DGKI: variants seen among roughly 807,000 people sequenced by gnomAD.
DGKI encodes the protein DAG kinase iota.
Under a neutral mutation model 147.5 loss-of-function variants are expected in DGKI, and 55 were observed. The observed-to-expected ratio is 0.37, with a 90% CI of 0.30 to 0.47. The LOEUF (loss-of-function observed/expected upper bound fraction) is 0.47. Ranked by LOEUF, DGKI falls within the 20% of genes least tolerant of loss-of-function variation. The pLI is 1.00. For synonymous variants in DGKI, 469 were observed against 477.1 expected (o/e 0.98, Z 0.22); for missense variants, 1,007 against 1,323.8 (o/e 0.76, Z 3.71).
intron 5 of DGKI, 150 bp downstream of exon 5, chr7:137,654,582 T>C: frequency 1.5e-6 from 1 of 663,742 alleles, no homozygotes; most frequent in Non-Finnish European, 2.7e-6. Context: ...GAAGATTTTA[T>C]TGATTGTGCT....
Position 137,674,451 on chromosome 7 carries a change from C to T in DGKI, c.606+4106G>A, listed in dbSNP as rs1351778849. Among the ~76,000 whole-genome samples, 7 of 152,300 alleles carry T rather than the reference C, an allele frequency of 4.6e-5. No individual in the cohort carries two copies. The East Asian group carries it at 1.3e-3, about 29-fold the overall frequency. On this transcript the variant is annotated intron_variant, in intron 3 of 32. Transcript: ENST00000614521. ...CATAGATGCCCTAATGTCCCATAAG[C>T]TAGGGTGATGCAGTTCTGGTTTATC...
chr7:137,607,067 C>G (rs538272352), intron 10 of DGKI, among the ~76,000 whole-genome samples: 3 of 152,248 alleles, frequency 2.0e-5, no homozygotes, highest in African/African-American at 4.8e-5. Flanking sequence ...CACCACTGAG[C>G]CTCGAAGGAT....
chr7:137,519,992 T>C (rs538807122), intron 21 of DGKI, among the ~76,000 whole-genome samples: 1 of 152,244 alleles, frequency 6.6e-6, no homozygotes, highest in South Asian at 2.1e-4. Flanking sequence ...CTTACATTTA[T>C]GCCATATTTG....
intron 21 of DGKI, among the ~76,000 whole-genome samples, chr7:137,497,562 A>G (rs956638238): frequency 6.6e-6 from 1 of 152,086 alleles, no homozygotes; most frequent in Non-Finnish European, 1.5e-5. Context: ...AAGGGTAGAG[A>G]GGATAAAGAA....
Position 137,521,606 on chromosome 7 carries a change from C to G in DGKI, c.2248+260G>C, listed in dbSNP as rs1274939622. 2.6e-5 allele frequency among the ~76,000 whole-genome samples: 4 copies of G among 152,046 alleles called. No homozygotes were observed. The East Asian group carries it at 7.7e-4, about 29-fold the overall frequency. ...TTCCTCATTTTAGGCAAATCTGAGA[C>G]TAAAGTGGCGAATAAGCCAAGAGAT... On this transcript the variant is annotated intron_variant, in intron 21 of 32. Transcript: ENST00000614521.
At chr7:137,630,281 A>AT (rs1472241098) in intron 6 of DGKI, among the ~76,000 whole-genome samples, 1 of 152,044 alleles carries the variant, frequency 6.6e-6, no homozygotes, top group Non-Finnish European at 1.5e-5. Flanking sequence ...ATAGATTGAC[A>AT]TTTTTTTACC....
intron 1 of DGKI, among the ~76,000 whole-genome samples, chr7:137,791,743 G>T (rs1357978582): frequency 6.6e-6 from 1 of 152,200 alleles, no homozygotes; most frequent in African/African-American, 2.4e-5. Context: ...GACAGTGGTG[G>T]AAGAAGTTCC....
At chr7:137,592,405 G>C (rs1445169493) in intron 12 of DGKI, among the ~76,000 whole-genome samples, 1 of 152,206 alleles carries the variant, frequency 6.6e-6, no homozygotes, top group African/African-American at 2.4e-5. Flanking sequence ...GAGAACACCA[G>C]GTCCTCCGCT....
intron 1 of DGKI, among the ~76,000 whole-genome samples, chr7:137,735,531 T>A (rs1794998767): frequency 6.9e-6 from 1 of 145,102 alleles, no homozygotes; most frequent in Non-Finnish European, 1.5e-5. Flanking sequence ...ATGCATATGA[T>A]GAGGTAGACG....
chr7:137,571,333 C>A, intron 18 of DGKI, 47 bp from the exon 19 acceptor site: 1 of 1,330,014 alleles, frequency 7.5e-7, no homozygotes, highest in South Asian at 1.3e-5. Flanking sequence ...CCATCCTTCT[C>A]ATGACTATCA....
At chr7:137,841,786 C>T (rs562820003) in intron 1 of DGKI, among the ~76,000 whole-genome samples, 2 of 152,104 alleles carry the variant, frequency 1.3e-5, no homozygotes, top group South Asian at 4.1e-4. Flanking sequence ...CTAGAAAGTG[C>T]GGTGTTGGAA....
chr7:137,795,210 C>T (rs1585502273), intron 1 of DGKI, among the ~76,000 whole-genome samples: 3 of 152,182 alleles, frequency 2.0e-5, no homozygotes. Flanking sequence ...GATACTTAAA[C>T]CTACCCTATT....
intron 1 of DGKI, among the ~76,000 whole-genome samples, chr7:137,718,388 C>T (rs1000000103): frequency 2.0e-5 from 3 of 152,244 alleles, no homozygotes; most frequent in East Asian, 3.9e-4. Flanking sequence ...GAGATGCCCA[C>T]CCTGCCAGGG....
intron 1 of DGKI, among the ~76,000 whole-genome samples, chr7:137,819,240 C>T (rs1797824414): frequency 6.6e-6 from 1 of 152,096 alleles, no homozygotes; most frequent in Non-Finnish European, 1.5e-5. Flanking sequence ...TAACACTCCT[C>T]AACGAAGCTG....
intron 27 of DGKI, among the ~76,000 whole-genome samples, chr7:137,454,231 C>T (rs796145847): frequency 1.3e-5 from 2 of 152,126 alleles, no homozygotes; most frequent in Admixed American, 1.3e-4. Flanking sequence ...TCATGTTGTA[C>T]ACAATAAATA....
rs1199404667 is a variant in DGKI at position 137,846,157 on chromosome 7, T to TCA, written c.401+304_401+305insTG. Among the ~76,000 whole-genome samples, 65 of 138,598 alleles carry TCA rather than the reference T, an allele frequency of 4.7e-4. No homozygotes were observed. Among genetic ancestry groups the TCA allele is most frequent in the African/African-American group, 7.1e-4 (24 of 33,952 alleles). 90.9% of individuals were successfully genotyped at this position (138,598 alleles called of 152,430 possible). On this transcript the variant is annotated intron_variant, in intron 1 of 32. Coordinates refer to ENST00000614521, the MANE Select transcript of DGKI (RefSeq NM_001321708.2). The surrounding 1 kb of genome is among the most constrained non-coding windows in gnomAD (Gnocchi z 4.0). ...CTTTCTCTCTCTCTCTCTCTCTCTC[T>TCA]CTCTCACACACACACACACACACAC...
chr7:137,652,545 C>T (rs1261217259), intron 5 of DGKI, among the ~76,000 whole-genome samples: 1 of 152,132 alleles, frequency 6.6e-6, no homozygotes, highest in African/African-American at 2.4e-5. Context: ...TACCTTCTGG[C>T]CCACACTGTC....
At chr7:137,771,002 C>T (rs1334476035) in intron 1 of DGKI, among the ~76,000 whole-genome samples, 1 of 152,142 alleles carries the variant, frequency 6.6e-6, no homozygotes, top group African/African-American at 2.4e-5. Context: ...TCTGTGTAAT[C>T]GTCAGCTTCC....
chr7:137,751,806 A>G lies in DGKI; in HGVS notation c.402-61804T>C, dbSNP rs147953382. ...AACAAGTGAGCCAGCCTGCATTCCAATAAAACTTTATTTACAAAAATTGAC... is the reference window on the plus strand; with the variant it reads ...AACAAGTGAGCCAGCCTGCATTCCAGTAAAACTTTATTTACAAAAATTGAC... On this transcript the variant is annotated intron_variant, in intron 1 of 32. Coordinates refer to ENST00000614521, the MANE Select transcript of DGKI (RefSeq NM_001321708.2). 5.2e-3 allele frequency among the ~76,000 whole-genome samples: 792 copies of G among 152,294 alleles called. 9 individuals carry two copies. Among genetic ancestry groups the G allele is most frequent in the African/African-American group, 0.018 (763 of 41,562 alleles).
Sources: gnomAD v4.1 joint callset for allele counts (sites outside exome capture counted in the v4.1 genomes callset) on GRCh38, gnomAD v4.1.1 for gene constraint, Gnocchi (gnomAD v3.1) non-coding constraint, MANE v1.5 for transcripts, NCBI Gene and HGNC (gene_info 2026-07-23, HGNC 2026-07-21) for gene names.